The following TTLL7 variants were observed in gnomAD, a reference collection of about 807,000 sequenced individuals.
TTLL7 encodes tubulin tyrosine ligase like 7, also known as tubulin polyglutamylase TTLL7.
A neutral mutation model predicts 120.2 loss-of-function variants in TTLL7; 53 were observed. The observed-to-expected ratio is 0.44, with a 90% CI of 0.35 to 0.55. The LOEUF (loss-of-function observed/expected upper bound fraction) is 0.55, where lower values mean the gene tolerates loss of function less well. Among genes scored for constraint, TTLL7 ranks in the 20% least tolerant of loss-of-function variants. The pLI, the probability that TTLL7 is intolerant of heterozygous loss-of-function variation, is 0.00. For missense variants in TTLL7, 803 were observed against 1,054.7 expected (o/e 0.76, Z 3.31); for synonymous variants, 353 against 351.7 (o/e 1.00, Z -0.04).
intron 1 of TTLL7, among the ~76,000 whole-genome samples, chr1:83,982,554 G>A (rs1245197216): frequency 6.6e-6 from 1 of 151,974 alleles, no homozygotes; most frequent in Admixed American, 6.6e-5. Flanking sequence ...ATTTACAATA[G>A]CCACACACAA....
Position 83,920,571 on chromosome 1 carries a change from TGTCAAAA to T in TTLL7, c.1364+509_1364+515del. ...ACATTCCTTTATCCTGCTCAGGCAATGTCAAAAGTTGGAAAGTGGGCAATCTGTCCAA... is the reference window on the plus strand; with the variant it reads ...ACATTCCTTTATCCTGCTCAGGCAATGTTGGAAAGTGGGCAATCTGTCCAA... On this transcript the variant is annotated intron_variant, in intron 12 of 20. Coordinates refer to ENST00000260505, the MANE Select transcript of TTLL7 (RefSeq NM_024686.6). The T allele has an allele frequency of 1.4e-5, 2 of 142,334 alleles. 1 individual carries two copies. The highest frequency in any genetic ancestry group is 2.9e-5 in the Non-Finnish European group (2 of 68,770). The allele number at this position is 142,334 out of a possible 1,614,324, so 8.8% of individuals were successfully genotyped here. A position where few individuals can be genotyped will look rare whatever the true frequency, so the allele number is the denominator to read the frequency against.
intron 20 of TTLL7, among the ~76,000 whole-genome samples, chr1:83,877,631 G>A (rs959748057): frequency 2.0e-5 from 3 of 151,890 alleles, no homozygotes; most frequent in Non-Finnish European, 4.4e-5. Context: ...GAAATTGTTC[G>A]TAACATTTCC....
chr1:83,974,259 T>C (rs1557775842), intron 1 of TTLL7, among the ~76,000 whole-genome samples: 1 of 151,858 alleles, frequency 6.6e-6, no homozygotes, highest in Non-Finnish European at 1.5e-5. Context: ...TATGAAAAAA[T>C]GAATGCTTTT....
chr1:83,888,668 A>C (rs1655174683), intron 19 of TTLL7, among the ~76,000 whole-genome samples: 1 of 151,996 alleles, frequency 6.6e-6, no homozygotes, highest in South Asian at 2.1e-4. Context: ...TCAACAGTTC[A>C]GAGGAAGAAA....
chr1:83,975,202 A>C (rs1452222950), intron 1 of TTLL7, among the ~76,000 whole-genome samples: 1 of 152,146 alleles, frequency 6.6e-6, no homozygotes, highest in Admixed American at 6.6e-5. Flanking sequence ...CAGGCATTTC[A>C]ATATAGACTG....
At chr1:83,980,958 G>A (rs921192578) in intron 1 of TTLL7, 1 of 151,504 alleles carries the variant, frequency 6.6e-6, no homozygotes, top group African/African-American at 2.4e-5. Context: ...TAATACCAGG[G>A]GAACCACTAA....
intron 1 of TTLL7, among the ~76,000 whole-genome samples, chr1:83,971,719 C>T (rs1651004139): frequency 1.3e-5 from 2 of 152,006 alleles, no homozygotes; most frequent in South Asian, 4.1e-4. Context: ...GTTCTTGGCA[C>T]ATAATTCTTG....
intron 18 of TTLL7, among the ~76,000 whole-genome samples, chr1:83,896,265 C>A (rs1027384661): frequency 6.6e-6 from 1 of 152,028 alleles, no homozygotes; most frequent in Non-Finnish European, 1.5e-5. Context: ...GCATCCCAAT[C>A]CAACATTAAG....
intron 1 of TTLL7, among the ~76,000 whole-genome samples, chr1:83,958,692 G>A (rs1347215333): frequency 6.6e-6 from 1 of 152,106 alleles, no homozygotes; most frequent in Non-Finnish European, 1.5e-5. Context: ...ATATGAAAGA[G>A]AATAAAAGTA....
rs376277733 is a variant in TTLL7 at position 83,957,677 on chromosome 1, T to A, written c.-176-5290A>T. Among the ~76,000 whole-genome samples the A allele has an allele frequency of 4.3e-4, 66 of 152,314 alleles. 1 individual carries two copies. In the South Asian group the frequency reaches 0.013, roughly 30 times the overall value. On this transcript the variant is annotated intron_variant, in intron 1 of 20. Coordinates refer to ENST00000260505, the MANE Select transcript of TTLL7 (RefSeq NM_024686.6). ...AAGAAGTATGGGAAGGAAACCCATA[T>A]TCCTTCCCACTTTTTGTGCTACCTT...
chr1:83,873,208 C>A (rs1653601714), intron 20 of TTLL7, among the ~76,000 whole-genome samples: 2 of 152,006 alleles, frequency 1.3e-5, no homozygotes, highest in Admixed American at 1.3e-4. Context: ...AGAAGTTCGG[C>A]ATGAACTAAA....
intron 1 of TTLL7, 42 bp downstream of exon 1, chr1:83,998,889 A>G (rs776882627): frequency 1.6e-5 from 6 of 364,736 alleles, no homozygotes; most frequent in South Asian, 1.9e-5. Context: ...ACGTGGGGAC[A>G]TGGAAGGGGG....
chr1:83,909,458 T>A (rs914761076), intron 15 of TTLL7, among the ~76,000 whole-genome samples: 1 of 151,950 alleles, frequency 6.6e-6, no homozygotes, highest in Admixed American at 6.6e-5. Flanking sequence ...AATCTGGATT[T>A]TGTCCTTGAT....
intron 1 of TTLL7, among the ~76,000 whole-genome samples, chr1:83,978,748 T>A (rs1290243399): frequency 6.6e-6 from 1 of 152,150 alleles, no homozygotes; most frequent in Non-Finnish European, 1.5e-5. Context: ...TAGCAGAGCA[T>A]ATAGTTAAAA....
At chr1:83,893,570 C>CATGAAGAA (rs1655966799) in intron 18 of TTLL7, among the ~76,000 whole-genome samples, 1 of 151,992 alleles carries the variant, frequency 6.6e-6, no homozygotes, top group Admixed American at 6.6e-5. Context: ...CAGACATAAA[C>CATGAAGAA]ATGAAGAATT....
chr1:83,934,684 T>C (rs80059455), intron 8 of TTLL7, among the ~76,000 whole-genome samples: 90 of 152,264 alleles, frequency 5.9e-4, no homozygotes, highest in African/African-American at 1.9e-3. Context: ...GAAGACACTG[T>C]CATTTTAACT....
intron 20 of TTLL7, among the ~76,000 whole-genome samples, chr1:83,878,833 T>C (rs190466350): frequency 6.6e-6 from 1 of 151,874 alleles, no homozygotes; most frequent in East Asian, 1.9e-4. Flanking sequence ...TTTCTGAGAG[T>C]GCAAAGTTGA....
chr1:83,960,355 CAA>C (rs774461309), intron 1 of TTLL7, among the ~76,000 whole-genome samples: 16 of 151,924 alleles, frequency 1.1e-4, no homozygotes, highest in Non-Finnish European at 1.6e-4. Flanking sequence ...TACAAAAGTC[CAA>C]GAGAGAGAAG....
At chr1:83,990,993 T>C (rs1191673365) in intron 1 of TTLL7, among the ~76,000 whole-genome samples, 1 of 152,240 alleles carries the variant, frequency 6.6e-6, no homozygotes, top group Non-Finnish European at 1.5e-5. Flanking sequence ...TACATACTTA[T>C]AACGGAATAG....
Sources: allele counts gnomAD v4.1 joint callset (sites outside exome capture counted in the v4.1 genomes callset), GRCh38; gene constraint gnomAD v4.1.1; transcripts MANE v1.5; gene names NCBI Gene and HGNC (gene_info 2026-07-23, HGNC 2026-07-21).